DNAH12: variants seen among roughly 807,000 people sequenced by gnomAD.
DNAH12 encodes the protein axonemal beta dynein heavy chain 12.
A neutral mutation model predicts 371.5 loss-of-function variants in DNAH12; 285 were observed. That is an observed-to-expected ratio of 0.77 (90% confidence interval 0.70 to 0.85). The LOEUF is 0.85. DNAH12 is among the 40% of genes least tolerant of loss of function. The pLI, the probability that DNAH12 is intolerant of heterozygous loss-of-function variation, is 0.00. For synonymous variants in DNAH12, 1,200 were observed against 1,213.0 expected, an observed-to-expected ratio of 0.99 and a Z score of 0.22; for missense variants, 3,611 against 3,689.4, an observed-to-expected ratio of 0.98 and a Z score of 0.55.
At chr3:57,544,747 C>T (rs1319230537), upstream of DNAH12, among the ~76,000 whole-genome samples, 23 of 152,156 alleles carry the variant, frequency 1.5e-4, no homozygotes, top group Admixed American at 1.5e-3. Flanking sequence ...GTTGACACAG[C>T]ACTTCCAGGA....
At chr3:57,317,831 G>T (rs1414436492) in intron 65 of DNAH12, among the ~76,000 whole-genome samples, 3 of 151,934 alleles carry the variant, frequency 2.0e-5, no homozygotes, top group African/African-American at 7.2e-5. Flanking sequence ...ATACATGCTG[G>T]TTTTTGTTTT....
At chr3:57,485,633 T>G (rs1462679472) in intron 12 of DNAH12, among the ~76,000 whole-genome samples, 1 of 151,954 alleles carries the variant, frequency 6.6e-6, no homozygotes, top group Non-Finnish European at 1.5e-5. Context: ...ACTCCTGACC[T>G]CGTGATCCAC....
chr3:57,536,391 TCCATATGTTTGA>T (rs1002329788), intron 2 of DNAH12: 1 of 152,226 alleles, frequency 6.6e-6, no homozygotes, highest in Non-Finnish European at 1.5e-5. Flanking sequence ...ATCCCAGAAT[TCCATATGTTTGA>T]CCAGTGCAGA....
chr3:57,492,765 T>C (rs1186391607), intron 11 of DNAH12, among the ~76,000 whole-genome samples: 1 of 152,102 alleles, frequency 6.6e-6, no homozygotes, highest in Non-Finnish European at 1.5e-5. Flanking sequence ...TCCCAGCATT[T>C]TGGGAGGCCG....
chr3:57,347,947 A>G (rs2062581771), intron 60 of DNAH12, among the ~76,000 whole-genome samples: 1 of 152,224 alleles, frequency 6.6e-6, no homozygotes, highest in Admixed American at 6.5e-5. Flanking sequence ...CCACTCAGGA[A>G]GACAGTTTGG....
At chr3:57,453,182 A>T (rs1369787271) in intron 24 of DNAH12, 65 bp downstream of exon 24, 1 of 1,488,624 alleles carries the variant, frequency 6.7e-7, no homozygotes, top group South Asian at 1.4e-5. Flanking sequence ...TACATATAGT[A>T]CAAGTCTTTG....
Position 57,502,314 on chromosome 3 carries a change from C to T in DNAH12, c.1243+9G>A. The T allele has an allele frequency of 6.2e-7, 1 of 1,613,616 alleles. No individual in the cohort carries two copies. Among genetic ancestry groups the T allele is most frequent in the Non-Finnish European group, 8.5e-7 (1 of 1,179,752 alleles). On this transcript the variant is annotated intron_variant, in intron 10 of 73. Transcript: ENST00000495027. The stretch of plus-strand genomic sequence containing the variant: ...ACAAATGGTATAATATTATGTATGT[C>T]ATACACACCATATGTCTCATAATGC...
At chr3:57,401,324 T>A (rs889507440) in intron 43 of DNAH12, among the ~76,000 whole-genome samples, 12 of 148,728 alleles carry the variant, frequency 8.1e-5, no homozygotes, top group Non-Finnish European at 1.6e-4. Flanking sequence ...TTGAGGCAAG[T>A]GGATTGCCTG....
At position 57,398,411 on chromosome 3, in the gene DNAH12, A is replaced by C. The variant is rs1426838827; in HGVS notation, c.6949-4079T>G. On this transcript the variant is annotated intron_variant, in intron 43 of 73. Transcript: ENST00000495027. ...ACTGAAAATTTCTCAAATCTCAGGA[A>C]AGAAGTGGATATAAAAATTCCATTT... 3.3e-5 allele frequency among the ~76,000 whole-genome samples: 5 copies of C among 152,332 alleles called. No individual in the cohort carries two copies. The East Asian group carries it at 9.6e-4, about 29-fold the overall frequency.
chr3:57,499,647 A>AAAAAAAAAAAAAAT (rs1451248906), intron 11 of DNAH12, among the ~76,000 whole-genome samples: 5 of 17,958 alleles, frequency 2.8e-4, no homozygotes, highest in East Asian at 7.4e-4. Context: ...AAAAAAAAAA[A>AAAAAAAAAAAAAAT]ATATATATAT....
intron 26 of DNAH12, 115 bp downstream of exon 26, chr3:57,446,422 C>A (rs2065498581): frequency 1.4e-6 from 2 of 1,427,670 alleles, no homozygotes; most frequent in African/African-American, 2.9e-5. Context: ...AAATGAAAGT[C>A]CAAGTAATAT....
intron 69 of DNAH12, among the ~76,000 whole-genome samples, chr3:57,306,937 T>C (rs757964100): frequency 1.2e-4 from 18 of 152,180 alleles, no homozygotes; most frequent in Non-Finnish European, 1.2e-4. Flanking sequence ...ATCTTAAACA[T>C]GCTTTCTTTA....
chr3:57,542,532 TATA>T (rs1028722008), intron 2 of DNAH12, among the ~76,000 whole-genome samples, 166 bp downstream of exon 2: 1 of 152,238 alleles, frequency 6.6e-6, no homozygotes, highest in Non-Finnish European at 1.5e-5. Context: ...GTGTACAGTG[TATA>T]ATATTTGCTA....
intron 62 of DNAH12, among the ~76,000 whole-genome samples, chr3:57,325,607 C>G (rs2061923714): frequency 1.3e-5 from 2 of 152,190 alleles, no homozygotes; most frequent in South Asian, 4.1e-4. Flanking sequence ...TAGATACAAC[C>G]ACAAAGATGG....
chr3:57,537,656 A>G lies in DNAH12; in HGVS notation c.170+5045T>C, dbSNP rs186278512. ...GTTTTTTTAAAAAACCTTTAATTTT[A>G]TCAGGTATTTTTTAAAAAATGGTTT... On this transcript the variant is annotated intron_variant, in intron 2 of 73. Transcript: ENST00000495027. 4.5e-3 allele frequency among the ~76,000 whole-genome samples: 685 copies of G among 150,634 alleles called. 4 individuals are homozygous for G. Among genetic ancestry groups the G allele is most frequent in the African/African-American group, 0.016 (649 of 40,902 alleles).
chr3:57,525,510 T>A (rs184541658), intron 2 of DNAH12, among the ~76,000 whole-genome samples: 7 of 152,220 alleles, frequency 4.6e-5, no homozygotes, highest in Admixed American at 4.6e-4. Context: ...GTGGCAGTCA[T>A]CACTTTATTT....
intron 70 of DNAH12, 176 bp from the exon 71 acceptor site, chr3:57,297,160 T>TA (rs1238344950): frequency 3.3e-6 from 2 of 609,394 alleles, no homozygotes; most frequent in Non-Finnish European, 5.6e-6. Flanking sequence ...TTTCCCCTTC[T>TA]ACTCTTCTTG....
At chr3:57,301,173 G>C (rs184151127) in intron 70 of DNAH12, among the ~76,000 whole-genome samples, 3 of 141,712 alleles carry the variant, frequency 2.1e-5, no homozygotes, top group African/African-American at 7.8e-5. Context: ...TGTAGTTCCA[G>C]TTATTCAAGA....
chr3:57,452,903 A>G lies in DNAH12; in HGVS notation c.3726T>C (p.Tyr1242=). ...INCNVKYAYE[Y]LGNSPRLVIT... ...TGACAAGTCGAGGTGAGTTACCAAG[A>G]TATTCATAAGCATATTTTACATTGC... The change falls in exon 25 of 74, where the codon TAT becomes TAC. Residue 1242 remains tyrosine (Y), a synonymous_variant. Coordinates refer to ENST00000495027, the MANE Select transcript of DNAH12 (RefSeq NM_001366028.2). The G allele has an allele frequency of 2.6e-6, 4 of 1,551,392 alleles. No individual in the cohort carries two copies. The highest frequency in any genetic ancestry group is 2.4e-5 in the East Asian group (1 of 40,900).
Sources: allele counts gnomAD v4.1 joint callset (sites outside exome capture counted in the v4.1 genomes callset), GRCh38; gene constraint gnomAD v4.1.1; transcripts MANE v1.5; gene names NCBI Gene and HGNC (gene_info 2026-07-23, HGNC 2026-07-21).